SEC24B: variants seen among roughly 807,000 people sequenced by gnomAD.
SEC24B encodes SEC24 homolog B, COPII component, also known as protein transport protein Sec24B.
A neutral mutation model predicts 142.8 loss-of-function variants in SEC24B; 45 were observed. The ratio of observed to expected loss-of-function variants is 0.32; its 90% CI spans 0.25 to 0.40. SEC24B has a LOEUF of 0.40. SEC24B is among the 10% of genes least tolerant of loss of function. The pLI is 1.00. For synonymous variants in SEC24B, 574 were observed against 568.2 expected (o/e 1.01, Z -0.15); for missense variants, 1,409 against 1,526.8 (o/e 0.92, Z 1.29).
At chr4:109,533,714 T>C in intron 22 of SEC24B, 29 bp downstream of exon 22, 1 of 1,266,422 alleles carries the variant, frequency 7.9e-7, no homozygotes, top group Admixed American at 2.1e-5. Context: ...CCTTTAACTT[T>C]TTGTTTGCTC....
At chr4:109,506,120 G>A (rs1011929679) in intron 6 of SEC24B, among the ~76,000 whole-genome samples, 24 of 152,038 alleles carry the variant, frequency 1.6e-4, no homozygotes, top group Admixed American at 3.3e-4. Flanking sequence ...ATTTCATTGC[G>A]AGGGTTAACC....
chr4:109,501,500 T>A (rs1736142387), intron 6 of SEC24B, among the ~76,000 whole-genome samples: 1 of 152,228 alleles, frequency 6.6e-6, no homozygotes, highest in Admixed American at 6.5e-5. Context: ...AGATGAAGTC[T>A]CACTCTGTGT....
intron 3 of SEC24B, among the ~76,000 whole-genome samples, chr4:109,476,944 C>T (rs981827542): frequency 3.3e-5 from 5 of 151,468 alleles, no homozygotes; most frequent in East Asian, 3.9e-4. Flanking sequence ...GAGACCATCC[C>T]GGCTAAAACG....
rs116300155 is a variant in SEC24B, at chr4:109,533,701, A to G, written c.3588+16A>G. ...ACAGAAAATGGTCAGTAGATTTTAT[A>G]CACCTTTAACTTTTTGTTTGCTCAT... On this transcript the variant is annotated intron_variant, in intron 22 of 23. Coordinates refer to ENST00000265175, the MANE Select transcript of SEC24B (RefSeq NM_006323.5). 1.9e-4 allele frequency: 263 copies of G among 1,404,068 alleles called. 2 individuals carry two copies. The highest frequency in any genetic ancestry group is 1.6e-3 in the Middle Eastern group (9 of 5,702). The allele number at this position is 1,404,068 out of a possible 1,614,324, so 87.0% of individuals were successfully genotyped here.
rs965538353 is a variant in SEC24B, at chr4:109,503,651, C to T, written c.1489-2677C>T. The stretch of plus-strand genomic sequence containing the variant: ...CTGGGATTGCAGGCTTGAGCCACTG[C>T]GCCTGGCCTCATTTTATAATTTCTT... On this transcript the variant is annotated intron_variant, in intron 6 of 23. Coordinates refer to ENST00000265175, the MANE Select transcript of SEC24B (RefSeq NM_006323.5). Among the ~76,000 whole-genome samples the T allele has an allele frequency of 5.9e-5, 9 of 152,124 alleles. No individual in the cohort carries two copies. In the South Asian group the frequency reaches 8.3e-4, roughly 14 times the overall value.
In SEC24B at chr4:109,433,817, C is replaced by T. The variant is rs72896632; in HGVS notation, c.-53C>T. On this transcript the variant is annotated 5_prime_UTR_variant, in exon 1 of 24. Coordinates refer to ENST00000265175, the MANE Select transcript of SEC24B (RefSeq NM_006323.5). The stretch of plus-strand genomic sequence containing the variant: ...TCTCTCCTCTCCGGCCCCGCCTTCC[C>T]TTCCCTCCGCCCACCTCCCTGAAGC... 198,713 of 1,224,360 alleles carry T rather than the reference C, an allele frequency of 0.16. 16,543 individuals are homozygous for T. The highest frequency in any genetic ancestry group is 0.22 in the African/African-American group (13,805 of 62,778). The allele number at this position is 1,224,360 out of a possible 1,614,324, so 75.8% of individuals were successfully genotyped here.
intron 1 of SEC24B, among the ~76,000 whole-genome samples, chr4:109,440,773 T>C (rs1306456736): frequency 6.6e-6 from 1 of 152,256 alleles, no homozygotes; most frequent in Non-Finnish European, 1.5e-5. Flanking sequence ...CTTCATCATA[T>C]GCCCAGTAGT....
intron 6 of SEC24B, among the ~76,000 whole-genome samples, chr4:109,501,767 C>T (rs1736176566): frequency 6.6e-6 from 1 of 152,182 alleles, no homozygotes; most frequent in South Asian, 2.1e-4. Context: ...CCACTGCATC[C>T]GGCCAGCATT....
intron 4 of SEC24B, among the ~76,000 whole-genome samples, chr4:109,482,919 A>C (rs1733872872): frequency 8.6e-6 from 1 of 116,854 alleles, no homozygotes; most frequent in African/African-American, 3.0e-5. Context: ...GGCATGAGCT[A>C]CCTTGCCAGG....
intron 22 of SEC24B, among the ~76,000 whole-genome samples, chr4:109,533,937 T>C (rs1725205483): frequency 6.6e-6 from 1 of 152,190 alleles, no homozygotes; most frequent in African/African-American, 2.4e-5. Flanking sequence ...TGGATTTGCC[T>C]GTTCTGGATA....
Position 109,530,402 on chromosome 4 carries a change from G to A in SEC24B, c.3190G>A (p.Ala1064Thr). Reference protein sequence around the residue: ...GSTVSNLQHSALMAPSSLKLF... With the variant: ...GSTVSNLQHSTLMAPSSLKLF... Reference sequence around the variant, plus strand: ...AACTGTCTCAAATTTACAGCACTCTGCATTGATGGCGCCCAGCTCCCTCAA... The same window carrying A: ...AACTGTCTCAAATTTACAGCACTCTACATTGATGGCGCCCAGCTCCCTCAA... Residue 1064 changes from alanine (A) to threonine (T), a missense_variant, in exon 19 of 24, where the codon GCA (alanine) becomes ACA (threonine). Physicochemically the swap from Ala to Thr is moderately conservative, Grantham distance 58. Around this residue, in one of 2 missense-constraint regions of SEC24B, gnomAD observed 700 missense variants for 853.3 expected, o/e 0.82. Transcript: ENST00000265175. 6.2e-7 allele frequency: 1 copy of A among 1,614,122 alleles called. No individual in the cohort carries two copies. The highest frequency in any genetic ancestry group is 8.5e-7 in the Non-Finnish European group (1 of 1,180,000).
chr4:109,449,676 T>C (rs1008186465), intron 1 of SEC24B, among the ~76,000 whole-genome samples: 1 of 152,082 alleles, frequency 6.6e-6, no homozygotes, highest in Non-Finnish European at 1.5e-5. Flanking sequence ...ATCTCTCTCT[T>C]CTTTTTATAA....
intron 14 of SEC24B, among the ~76,000 whole-genome samples, chr4:109,522,115 G>A (rs1462092050): frequency 2.7e-5 from 4 of 150,426 alleles, no homozygotes; most frequent in Non-Finnish European, 4.4e-5. Flanking sequence ...GCAGTGGCGC[G>A]CTCTCAGCTC....
intron 4 of SEC24B, 112 bp downstream of exon 4, chr4:109,481,893 G>A: frequency 1.4e-6 from 1 of 722,540 alleles, no homozygotes; most frequent in Non-Finnish European, 2.3e-6. Context: ...TTAGCATGAT[G>A]AACTTACGAG....
chr4:109,433,892 CTCACCCGGCCGCCA>C lies in SEC24B; in HGVS notation c.24_37del (p.His9ArgfsTer76). ...GTCATGTCGGCCCCCGCCGGGTCCTCTCACCCGGCCGCCAGCGCCCGGATCCCGCCCAAGTTCGG... is the reference window on the plus strand; with the variant it reads ...GTCATGTCGGCCCCCGCCGGGTCCTCGCGCCCGGATCCCGCCCAAGTTCGG... On this transcript the variant is annotated frameshift_variant, in exon 1 of 24. Transcript: ENST00000265175. LOFTEE classifies it high-confidence loss of function. The C allele has an allele frequency of 7.4e-7, 1 of 1,343,440 alleles. No individual in the cohort carries two copies. 83.2% of individuals were successfully genotyped at this position (1,343,440 alleles called of 1,614,324 possible). A position where few individuals can be genotyped will look rare whatever the true frequency, so the allele number is the denominator to read the frequency against.
intron 1 of SEC24B, among the ~76,000 whole-genome samples, chr4:109,434,232 G>T (rs1471248475): frequency 6.6e-6 from 1 of 151,858 alleles, no homozygotes; most frequent in Non-Finnish European, 1.5e-5. Flanking sequence ...TGGCGTGGGG[G>T]CGGGGGCCGG....
At chr4:109,434,038 G>A in intron 1 of SEC24B, 36 bp downstream of exon 1, 1 of 1,074,748 alleles carries the variant, frequency 9.3e-7, no homozygotes. Context: ...GCGGGGCCTA[G>A]CACCGGCTGG....
At chr4:109,475,493 T>C (rs1320073483) in intron 3 of SEC24B, among the ~76,000 whole-genome samples, 5 of 152,224 alleles carry the variant, frequency 3.3e-5, no homozygotes, top group Admixed American at 6.5e-5. Flanking sequence ...AAGCATTTTT[T>C]TTCTGTTTTT....
intron 11 of SEC24B, among the ~76,000 whole-genome samples, chr4:109,518,002 C>G (rs1022974186): frequency 2.0e-5 from 3 of 151,834 alleles, no homozygotes; most frequent in Non-Finnish European, 2.9e-5. Flanking sequence ...GAGTCTCGCT[C>G]TGTTGCCCAG....
Sources: allele counts gnomAD v4.1 joint callset (sites outside exome capture counted in the v4.1 genomes callset), GRCh38; gene constraint gnomAD v4.1.1; regional missense constraint gnomAD v4.1.1; transcripts MANE v1.5; gene names NCBI Gene and HGNC (gene_info 2026-07-23, HGNC 2026-07-21).